The following TNFRSF8 variants were observed in gnomAD, a reference collection of about 807,000 sequenced individuals.
TNFRSF8 encodes tumor necrosis factor receptor superfamily member 8.
In TNFRSF8, 26 loss-of-function variants were observed where a neutral mutation model predicts 70.8. The ratio of observed to expected loss-of-function variants is 0.37; its 90% CI spans 0.27 to 0.51. The LOEUF (loss-of-function observed/expected upper bound fraction) is 0.51, where lower values mean the gene tolerates loss of function less well. Ranked by LOEUF, TNFRSF8 falls within the 20% of genes least tolerant of loss-of-function variation. The pLI is 0.94. For synonymous variants in TNFRSF8, 356 were observed against 339.2 expected (o/e 1.05, Z -0.54); for missense variants, 720 against 807.9 (o/e 0.89, Z 1.32).
Position 12,097,169 on chromosome 1 carries a change from T to G in TNFRSF8, c.220T>G (p.Tyr74Asp). The G allele has an allele frequency of 1.2e-6, 2 of 1,614,084 alleles. No individual in the cohort carries two copies. Among genetic ancestry groups the G allele is most frequent in the Non-Finnish European group, 1.7e-6 (2 of 1,179,952 alleles). ...CAGGAAGCAGTGTGAGCCTGACTAC[T>G]ACCTGGATGAGGCCGACCGCTGTAC... Reference protein sequence around the residue: ...DCRKQCEPDYYLDEADRCTAC... With the variant: ...DCRKQCEPDYDLDEADRCTAC... Residue 74 changes from tyrosine to aspartate, a missense_variant, in exon 3 of 15, where the codon TAC (tyrosine) becomes GAC (aspartate). Tyr to Asp is a radical substitution (Grantham distance 160, BLOSUM62 -3). Coordinates refer to ENST00000263932, the MANE Select transcript of TNFRSF8 (RefSeq NM_001243.5).
chr1:12,104,493 A>G lies in TNFRSF8; in HGVS notation c.383A>G (p.His128Arg). Residue 128 changes from histidine to arginine, a missense_variant, in exon 4 of 15, where the codon CAT becomes CGT. Coordinates refer to ENST00000263932, the MANE Select transcript of TNFRSF8 (RefSeq NM_001243.5). ...AACTCCTGTGCCCGCTGCTTCTTCC[A>G]TTCTGTCTGTCCGGCAGGGATGATT... ...AVNSCARCFF[H>R]SVCPAGMIVK... The G allele has an allele frequency of 6.2e-7, 1 of 1,614,068 alleles. No homozygotes were observed. The highest frequency in any genetic ancestry group is 8.5e-7 in the Non-Finnish European group (1 of 1,180,014).
chr1:12,087,910 G>T (rs1641182994), intron 2 of TNFRSF8, among the ~76,000 whole-genome samples: 1 of 152,068 alleles, frequency 6.6e-6, no homozygotes, highest in African/African-American at 2.4e-5. Flanking sequence ...ACTCCATATT[G>T]GTGTGGTGGG....
rs982795237 is a variant in TNFRSF8, at chr1:12,126,052, A to G, written c.1255A>G (p.Lys419Glu). 1.9e-6 allele frequency: 3 copies of G among 1,614,114 alleles called. No individual in the cohort carries two copies. Among genetic ancestry groups the G allele is most frequent in the Non-Finnish European group, 1.7e-6 (2 of 1,179,992 alleles). Residue 419 changes from lysine to glutamate, a missense_variant and splice_region_variant, in exon 11 of 15, where the codon AAG (lysine) becomes GAG (glutamate). Physicochemically the swap from Lys to Glu is moderately conservative, Grantham distance 56. Transcript: ENST00000263932. ...GGCCTGCAGGAAGCGAATTCGGCAG[A>G]GTAAGTGGCTGTGTCCTTGGGGCCT... Reference protein sequence around the residue: ...RRACRKRIRQKLHLCYPVQTS... With the variant: ...RRACRKRIRQELHLCYPVQTS...
chr1:12,120,779 C>A (rs1314538600), intron 8 of TNFRSF8, among the ~76,000 whole-genome samples: 1 of 152,154 alleles, frequency 6.6e-6, no homozygotes, highest in African/African-American at 2.4e-5. Flanking sequence ...CTTCTCCTCA[C>A]CTTCAAATCC....
Position 12,138,512 on chromosome 1 carries a change from G to A in TNFRSF8, c.1543+76G>A. On this transcript the variant is annotated intron_variant, in intron 14 of 14. Transcript: ENST00000263932. This position sits in a 1 kb window ranked among gnomAD's most constrained non-coding sequence, Gnocchi z 5.7. ...GATGAATACGGGGCCCTGGGCCCTG[G>A]AAGGGACCTGGAGACCCTGGAGTTG... 7.2e-7 allele frequency: 1 copy of A among 1,397,714 alleles called. No homozygotes were observed. Among genetic ancestry groups the A allele is most frequent in the Non-Finnish European group, 9.6e-7 (1 of 1,037,838 alleles). 86.6% of individuals were successfully genotyped at this position (1,397,714 alleles called of 1,614,324 possible). A position where few individuals can be genotyped will look rare whatever the true frequency, so the allele number is the denominator to read the frequency against.
At chr1:12,080,566 T>C (rs982582722) in intron 1 of TNFRSF8, 1 of 374,234 alleles carries the variant, frequency 2.7e-6, no homozygotes, top group Non-Finnish European at 5.2e-6. Flanking sequence ...TATTTTTATT[T>C]ATTTTTTTGA....
rs141013531 is a variant in TNFRSF8, at chr1:12,069,427, G to A, written c.63+5766G>A. 5.3e-3 allele frequency among the ~76,000 whole-genome samples: 810 copies of A among 152,004 alleles called. 9 individuals carry two copies. The highest frequency in any genetic ancestry group is 0.018 in the African/African-American group (750 of 41,426). On this transcript the variant is annotated intron_variant, in intron 1 of 14. Coordinates refer to ENST00000263932, the MANE Select transcript of TNFRSF8 (RefSeq NM_001243.5). ...CTCCTGACCTCAGACGAGCCCCCCC[G>A]CCTCAGCCTCCCAAAGTGCTGGGAA...
In TNFRSF8 at chr1:12,125,208, C is replaced by CT. The variant is rs953867705; in HGVS notation, c.1154-742dup. Among the ~76,000 whole-genome samples, 99 of 152,328 alleles carry CT rather than the reference C, an allele frequency of 6.5e-4. 1 individual carries two copies. Among genetic ancestry groups the CT allele is most frequent in the African/African-American group, 2.1e-3 (89 of 41,574 alleles). On this transcript the variant is annotated intron_variant, in intron 10 of 14. Transcript: ENST00000263932. ...CTTCAATAAAGTGCAATCACTAGCT[C>CT]TATGATCTCTGTAAGTGACAAAAGG...
intron 7 of TNFRSF8, 99 bp from the exon 8 acceptor site, chr1:12,115,478 A>G: frequency 7.8e-7 from 1 of 1,288,482 alleles, no homozygotes; most frequent in Non-Finnish European, 1.1e-6. Context: ...TTGTTGGATG[A>G]CCCTTGGACA....
intron 1 of TNFRSF8, among the ~76,000 whole-genome samples, chr1:12,076,812 G>A (rs1264316017): frequency 3.9e-5 from 6 of 152,186 alleles, no homozygotes. Flanking sequence ...AGCACTGAGT[G>A]TGGAGAGAGG....
Position 12,093,533 on chromosome 1 carries a change from C to G in TNFRSF8, c.152-3568C>G, listed in dbSNP as rs560846168. On this transcript the variant is annotated intron_variant, in intron 2 of 14. Transcript: ENST00000263932. ...GAGTGGACATAGAAAGACTCATCCTCAAGGAGCTGACTTTTTTTTTTCCTT... is the reference window on the plus strand; with the variant it reads ...GAGTGGACATAGAAAGACTCATCCTGAAGGAGCTGACTTTTTTTTTTCCTT... 3.9e-5 allele frequency among the ~76,000 whole-genome samples: 6 copies of G among 152,114 alleles called. No individual in the cohort carries two copies. In the South Asian group the frequency reaches 1.0e-3, roughly 26 times the overall value.
intron 1 of TNFRSF8, among the ~76,000 whole-genome samples, chr1:12,081,864 C>T (rs1042910205): frequency 6.6e-6 from 1 of 152,130 alleles, no homozygotes; most frequent in Non-Finnish European, 1.5e-5. Context: ...AGCCCCACAT[C>T]GCACCAGGGG....
intron 6 of TNFRSF8, among the ~76,000 whole-genome samples, chr1:12,111,355 T>C (rs777997085): frequency 9.9e-5 from 15 of 151,944 alleles, no homozygotes; most frequent in Non-Finnish European, 2.1e-4. Flanking sequence ...CTACTTTTCT[T>C]TTTTTTAGTA....
In TNFRSF8 at chr1:12,115,620, C is replaced by A; in HGVS notation, c.837C>A (p.Arg279=). 1 of 1,614,212 alleles carries A rather than the reference C, an allele frequency of 6.2e-7. No homozygotes were observed. Among genetic ancestry groups the A allele is most frequent in the Non-Finnish European group, 8.5e-7 (1 of 1,180,040 alleles). Residue 279 remains arginine (R), a synonymous_variant, in exon 8 of 15, where the codon CGC becomes CGA. Coordinates refer to ENST00000263932, the MANE Select transcript of TNFRSF8 (RefSeq NM_001243.5). ...EKTPCAWNSS[R]TCECRPGMIC... is the part of the protein sequence containing the mutation. Reference sequence around the variant, plus strand: ...CGCCATGTGCATGGAACTCCTCCCGCACCTGCGAATGTCGACCTGGCATGA... The same window carrying A: ...CGCCATGTGCATGGAACTCCTCCCGAACCTGCGAATGTCGACCTGGCATGA...
chr1:12,080,509 G>A (rs542585724), intron 1 of TNFRSF8: 3 of 496,810 alleles, frequency 6.0e-6, no homozygotes, highest in South Asian at 4.5e-5. Flanking sequence ...GGTCGAGCTT[G>A]TTTCTCCTGG....
Position 12,138,137 on chromosome 1 carries a change from T to C in TNFRSF8, c.1336-92T>C. Reference sequence around the variant, plus strand: ...GCAGAAAGGGGGACTCACTGGGGTCTGTAGAGATGAAAAAAAAAAGGGGCC... The same window carrying C: ...GCAGAAAGGGGGACTCACTGGGGTCCGTAGAGATGAAAAAAAAAAGGGGCC... On this transcript the variant is annotated intron_variant, in intron 13 of 14. Transcript: ENST00000263932. The surrounding 1 kb of genome is among the most constrained non-coding windows in gnomAD (Gnocchi z 5.7). 2 of 1,336,250 alleles carry C rather than the reference T, an allele frequency of 1.5e-6. No homozygotes were observed. Among genetic ancestry groups the C allele is most frequent in the Non-Finnish European group, 2.1e-6 (2 of 974,414 alleles). 82.8% of individuals were successfully genotyped at this position (1,336,250 alleles called of 1,614,324 possible). A position where few individuals can be genotyped will look rare whatever the true frequency, so the allele number is the denominator to read the frequency against.
At chr1:12,123,967 GCTT>G in intron 10 of TNFRSF8, 140 bp downstream of exon 10, 1 of 681,204 alleles carries the variant, frequency 1.5e-6, no homozygotes, top group Non-Finnish European at 2.4e-6. Context: ...CAGGTTTCTG[GCTT>G]CTTGAGTTGG....
rs981991424 is a variant in TNFRSF8 at position 12,110,321 on chromosome 1, A to G, written c.676+117A>G. On this transcript the variant is annotated intron_variant, in intron 6 of 14. Transcript: ENST00000263932. The surrounding 1 kb of genome is among the most constrained non-coding windows in gnomAD (Gnocchi z 4.0). The stretch of plus-strand genomic sequence containing the variant: ...GATCTGTGGTCTTTTCCTGGTGGGG[A>G]GAGAAGACGGTGGTAAGGTATGATC... 3 of 1,095,174 alleles carry G rather than the reference A, an allele frequency of 2.7e-6. No individual in the cohort carries two copies. In the East Asian group the frequency reaches 8.1e-5, roughly 29 times the overall value. The allele number at this position is 1,095,174 out of a possible 1,614,324, so 67.8% of individuals were successfully genotyped here.
chr1:12,081,318 C>T (rs143489547), intron 1 of TNFRSF8, among the ~76,000 whole-genome samples: 1 of 152,180 alleles, frequency 6.6e-6, no homozygotes, highest in Non-Finnish European at 1.5e-5. Context: ...AGGACAAGGA[C>T]CCAGAATGTT....
Sources: allele counts gnomAD v4.1 joint callset (sites outside exome capture counted in the v4.1 genomes callset), GRCh38; gene constraint gnomAD v4.1.1; non-coding constraint Gnocchi (gnomAD v3.1); transcripts MANE v1.5; gene names NCBI Gene and HGNC (gene_info 2026-07-23, HGNC 2026-07-21).